APLF: variants seen among roughly 807,000 people sequenced by gnomAD.
The protein encoded by APLF is aprataxin and PNKP like factor.
A neutral mutation model predicts 55.6 loss-of-function variants in APLF; 61 were observed. That is an observed-to-expected ratio of 1.10 (90% CI 0.89 to 1.36). The LOEUF is 1.36. Among genes scored for constraint, APLF ranks in the 40% most tolerant of loss-of-function variants. The probability of loss-of-function intolerance (pLI) is 0.00; values close to 1 mark genes in which losing one functional copy is unlikely to be tolerated. For missense variants in APLF, 611 were observed against 602.5 expected, an observed-to-expected ratio of 1.01 and a Z score of -0.15; for synonymous variants, 207 against 214.8, an observed-to-expected ratio of 0.96 and a Z score of 0.32.
intron 1 of APLF, among the ~76,000 whole-genome samples, chr2:68,477,216 C>G (rs555353281): frequency 3.3e-5 from 5 of 152,172 alleles, no homozygotes; most frequent in African/African-American, 9.7e-5. Flanking sequence ...GTAATAATTT[C>G]TAGCCACTTC....
intron 6 of APLF, among the ~76,000 whole-genome samples, chr2:68,533,041 C>T (rs182004883): frequency 3.7e-3 from 569 of 152,144 alleles, no homozygotes; most frequent in Non-Finnish European, 5.0e-3. Flanking sequence ...GCCTGGGTGA[C>T]GTAAGGAGAC....
chr2:68,468,268 T>A (rs1044603729), intron 1 of APLF, among the ~76,000 whole-genome samples: 5 of 152,246 alleles, frequency 3.3e-5, no homozygotes, highest in South Asian at 2.1e-4. Flanking sequence ...CAGAAAAGTT[T>A]GCCAAACTGT....
At position 68,529,374 on chromosome 2, in the gene APLF, A is replaced by G. The variant is rs1458203545; in HGVS notation, c.804+3132A>G. On this transcript the variant is annotated intron_variant, in intron 6 of 9. Transcript: ENST00000303795. This position sits in a 1 kb window ranked among gnomAD's most constrained non-coding sequence, Gnocchi z 4.4. ...GCGGGGTGAGCCCGGCCAGCTGGGAAGGCCTCACGGACAAGACGAGCAGGT... is the reference window on the plus strand; with the variant it reads ...GCGGGGTGAGCCCGGCCAGCTGGGAGGGCCTCACGGACAAGACGAGCAGGT... 5 of 1,298,856 alleles carry G rather than the reference A, an allele frequency of 3.8e-6. No homozygotes were observed. In the East Asian group the frequency reaches 9.2e-5, roughly 24 times the overall value. 80.5% of individuals were successfully genotyped at this position (1,298,856 alleles called of 1,614,324 possible).
chr2:68,531,946 T>G (rs1041687954), intron 6 of APLF, among the ~76,000 whole-genome samples: 2 of 152,194 alleles, frequency 1.3e-5, no homozygotes, highest in Non-Finnish European at 2.9e-5. Flanking sequence ...ATTTGGCCAG[T>G]TGCTTTTCCT....
At chr2:68,477,434 A>G (rs1045434242) in intron 1 of APLF, among the ~76,000 whole-genome samples, 1 of 151,986 alleles carries the variant, frequency 6.6e-6, no homozygotes, top group African/African-American at 2.4e-5. Flanking sequence ...GGAATTCAAG[A>G]TCAGCCTGGA....
chr2:68,527,199 C>T (rs1381439814), intron 6 of APLF, among the ~76,000 whole-genome samples: 3 of 151,500 alleles, frequency 2.0e-5, no homozygotes, highest in Admixed American at 2.0e-4. Flanking sequence ...AAGCGCTCCT[C>T]ACTTCCCAGA....
rs560455063 is a variant in APLF, at chr2:68,529,989, C to T, written c.804+3747C>T. ...CCCGCCTTCTCCATGGCTGCTGTGG[C>T]CTCAAGGGCCACCAGCCTCGCTCCG... On this transcript the variant is annotated intron_variant, in intron 6 of 9. Coordinates refer to ENST00000303795, the MANE Select transcript of APLF (RefSeq NM_173545.3). This position sits in a 1 kb window ranked among gnomAD's most constrained non-coding sequence, Gnocchi z 4.4. 1.3e-5 allele frequency among the ~76,000 whole-genome samples: 2 copies of T among 152,356 alleles called. No homozygotes were observed. Among genetic ancestry groups the T allele is most frequent in the Admixed American group, 1.3e-4 (2 of 15,314 alleles).
chr2:68,577,308 A>G (rs1671652447), intron 9 of APLF, among the ~76,000 whole-genome samples: 1 of 152,138 alleles, frequency 6.6e-6, no homozygotes, highest in South Asian at 2.1e-4. Context: ...TGCCATGTGT[A>G]TTCTCATCTT....
At chr2:68,507,547 T>G (rs1487833147) in intron 3 of APLF, among the ~76,000 whole-genome samples, 1 of 151,940 alleles carries the variant, frequency 6.6e-6, no homozygotes, top group Non-Finnish European at 1.5e-5. Context: ...CCAAAACTCA[T>G]GCTTTTTTGA....
chr2:68,544,553 A>T (rs1014503088), intron 7 of APLF, among the ~76,000 whole-genome samples: 2 of 152,192 alleles, frequency 1.3e-5, no homozygotes, highest in African/African-American at 4.8e-5. Context: ...AGGGTTTATT[A>T]TTGTTCTATT....
intron 8 of APLF, chr2:68,563,460 C>A: frequency 1.4e-6 from 1 of 720,286 alleles, no homozygotes; most frequent in Non-Finnish European, 1.7e-6. Context: ...GAATGTTTTC[C>A]AGGATAATAG....
intron 3 of APLF, among the ~76,000 whole-genome samples, chr2:68,505,405 C>G (rs575536518): frequency 6.6e-6 from 1 of 152,050 alleles, no homozygotes; most frequent in East Asian, 1.9e-4. Flanking sequence ...AGCTTATTCC[C>G]TTAGTGTGAA....
At chr2:68,571,838 T>C (rs947314777) in intron 9 of APLF, among the ~76,000 whole-genome samples, 2 of 152,164 alleles carry the variant, frequency 1.3e-5, no homozygotes, top group African/African-American at 2.4e-5. Flanking sequence ...ATTTTATTCT[T>C]TTTTAGCTGC....
intron 8 of APLF, among the ~76,000 whole-genome samples, chr2:68,551,693 A>G (rs1249582987): frequency 1.3e-5 from 2 of 150,348 alleles, no homozygotes; most frequent in African/African-American, 4.9e-5. Flanking sequence ...TTTTTAAAAA[A>G]CATATTAATC....
Position 68,528,225 on chromosome 2 carries a change from G to T in APLF, c.804+1983G>T, listed in dbSNP as rs545601968. On this transcript the variant is annotated intron_variant, in intron 6 of 9. Transcript: ENST00000303795. ...CCCAAAGTGCTGGATTACAGGCGTG[G>T]GCCACCATGCCTGCCCTGCTGTCTC... 5.3e-6 allele frequency: 6 copies of T among 1,131,960 alleles called. No homozygotes were observed. The South Asian group carries it at 8.0e-5, about 15-fold the overall frequency. 70.1% of individuals were successfully genotyped at this position (1,131,960 alleles called of 1,614,324 possible).
chr2:68,489,047 A>G (rs1188302892), intron 1 of APLF, among the ~76,000 whole-genome samples: 1 of 151,748 alleles, frequency 6.6e-6, no homozygotes, highest in Non-Finnish European at 1.5e-5. Flanking sequence ...CTGAAACAAT[A>G]GATTATTAGT....
rs1671684291 is a variant in APLF, at chr2:68,578,593, A to G, written c.*571A>G. The G allele has an allele frequency of 1.0e-6, 1 of 985,414 alleles. No individual in the cohort carries two copies. The highest frequency in any genetic ancestry group is 6.2e-5 in the Admixed American group (1 of 16,250). The allele number at this position is 985,414 out of a possible 1,614,324, so 61.0% of individuals were successfully genotyped here. ...GGTTCCAAATGGGTACTGAAAATAG[A>G]TTCAACTAGGCTGTAGAAGAGAAAT... On this transcript the variant is annotated 3_prime_UTR_variant, in exon 10 of 10. Coordinates refer to ENST00000303795, the MANE Select transcript of APLF (RefSeq NM_173545.3).
intron 1 of APLF, among the ~76,000 whole-genome samples, chr2:68,476,573 T>C (rs978155383): frequency 6.6e-6 from 1 of 151,886 alleles, no homozygotes; most frequent in Non-Finnish European, 1.5e-5. Context: ...AGATAAGCAC[T>C]GTAAACATTC....
chr2:68,518,899 A>AAT (rs1477596446), intron 5 of APLF, among the ~76,000 whole-genome samples: 1 of 124,728 alleles, frequency 8.0e-6, no homozygotes, highest in African/African-American at 3.2e-5. Flanking sequence ...TTATATCATT[A>AAT]ATATATAATA....
Sources: allele counts gnomAD v4.1 joint callset (sites outside exome capture counted in the v4.1 genomes callset), GRCh38; gene constraint gnomAD v4.1.1; non-coding constraint Gnocchi (gnomAD v3.1); transcripts MANE v1.5; gene names NCBI Gene and HGNC (gene_info 2026-07-23, HGNC 2026-07-21).